CARMIL1: variants seen among roughly 807,000 people sequenced by gnomAD.
The protein encoded by CARMIL1 is capping protein regulator and myosin 1 linker 1, also known as F-actin-uncapping protein LRRC16A.
A neutral mutation model predicts 177.1 loss-of-function variants in CARMIL1; 90 were observed. The ratio of observed to expected loss-of-function variants is 0.51; its 90% CI spans 0.43 to 0.61. The LOEUF (loss-of-function observed/expected upper bound fraction) is 0.61. Among genes scored for constraint, CARMIL1 ranks in the 20% least tolerant of loss-of-function variants. The pLI, the probability that CARMIL1 is intolerant of heterozygous loss-of-function variation, is 0.00. For synonymous variants in CARMIL1, 577 were observed against 606.2 expected (o/e 0.95, Z 0.71); for missense variants, 1,380 against 1,667.0 (o/e 0.83, Z 3.00).
intron 15 of CARMIL1, among the ~76,000 whole-genome samples, chr6:25,493,449 G>GT (rs1459887933): frequency 1.3e-5 from 2 of 152,216 alleles, no homozygotes; most frequent in African/African-American, 2.4e-5. Flanking sequence ...TTGTTCCACA[G>GT]TAACAGTGAC....
chr6:25,297,260 G>A (rs193243877), intron 2 of CARMIL1, among the ~76,000 whole-genome samples: 194 of 152,320 alleles, frequency 1.3e-3, no homozygotes, highest in African/African-American at 4.2e-3. Context: ...ACAGAGTGAC[G>A]TAGTCACATA....
rs149176879 is a variant in CARMIL1 at position 25,462,218 on chromosome 6, C to T, written c.615-3655C>T. Among the ~76,000 whole-genome samples, 693 of 151,944 alleles carry T rather than the reference C, an allele frequency of 4.6e-3. 7 individuals are homozygous for T. Among genetic ancestry groups the T allele is most frequent in the African/African-American group, 0.015 (641 of 41,420 alleles). On this transcript the variant is annotated intron_variant, in intron 8 of 36. Coordinates refer to ENST00000329474, the MANE Select transcript of CARMIL1 (RefSeq NM_017640.6). Reference sequence around the variant, plus strand: ...TTTTTTATTTTTGTATTTTGCTTTTCGAAGATCTAAAAACTCTTAGACTAA... The same window carrying T: ...TTTTTTATTTTTGTATTTTGCTTTTTGAAGATCTAAAAACTCTTAGACTAA...
At chr6:25,523,514 T>C (rs1226223070) in intron 23 of CARMIL1, among the ~76,000 whole-genome samples, 1 of 152,136 alleles carries the variant, frequency 6.6e-6, no homozygotes, top group Non-Finnish European at 1.5e-5. Flanking sequence ...GAAAAGGAGT[T>C]TGTGAAAAGC....
Position 25,609,938 on chromosome 6 carries a change from A to G in CARMIL1, c.3848-112A>G, listed in dbSNP as rs1816362967. On this transcript the variant is annotated intron_variant, in intron 35 of 36. Transcript: ENST00000329474. ...ACTAATTTTTGGCCAGAAAAATTCTATGATGCTTTATTTTTTTAAATGACT... is the reference window on the plus strand; with the variant it reads ...ACTAATTTTTGGCCAGAAAAATTCTGTGATGCTTTATTTTTTTAAATGACT... 23 of 1,264,946 alleles carry G rather than the reference A, an allele frequency of 1.8e-5. No individual in the cohort carries two copies. In the Admixed American group the frequency reaches 4.7e-4, roughly 26 times the overall value. 78.4% of individuals were successfully genotyped at this position (1,264,946 alleles called of 1,614,324 possible).
At chr6:25,337,798 G>T (rs557113692) in intron 2 of CARMIL1, among the ~76,000 whole-genome samples, 5 of 152,306 alleles carry the variant, frequency 3.3e-5, no homozygotes, top group Middle Eastern at 3.4e-3. Flanking sequence ...GAGTGGACGT[G>T]ATATAGTGAG....
rs545693727 is a variant in CARMIL1, at chr6:25,437,002, A to C, written c.371+1398A>C. Among the ~76,000 whole-genome samples the C allele has an allele frequency of 8.5e-5, 13 of 152,276 alleles. No homozygotes were observed. The South Asian group carries it at 2.7e-3, about 32-fold the overall frequency. ...CAGTGGGTGGTTGGATGAGGTAAGA[A>C]GTGAATCCATGGTGGCAATGGGAAT... On this transcript the variant is annotated intron_variant, in intron 5 of 36. Coordinates refer to ENST00000329474, the MANE Select transcript of CARMIL1 (RefSeq NM_017640.6).
At chr6:25,527,304 A>T (rs1216505229) in intron 23 of CARMIL1, among the ~76,000 whole-genome samples, 1 of 152,194 alleles carries the variant, frequency 6.6e-6, no homozygotes, top group East Asian at 1.9e-4. Flanking sequence ...AGTCACTTGA[A>T]AATTGTTACT....
intron 29 of CARMIL1, among the ~76,000 whole-genome samples, chr6:25,565,137 T>C (rs190217843): frequency 2.0e-4 from 30 of 152,272 alleles, no homozygotes; most frequent in African/African-American, 7.2e-4. Flanking sequence ...ACAGTGCAAT[T>C]TGAGGAACTA....
chr6:25,616,743 A>G (rs1306959970), intron 36 of CARMIL1, among the ~76,000 whole-genome samples: 1 of 152,228 alleles, frequency 6.6e-6, no homozygotes, highest in Non-Finnish European at 1.5e-5. Flanking sequence ...CATGCAGTCA[A>G]ATAGATGTTC....
At chr6:25,351,680 A>T (rs904184482) in intron 2 of CARMIL1, among the ~76,000 whole-genome samples, 14 of 152,244 alleles carry the variant, frequency 9.2e-5, no homozygotes, top group Non-Finnish European at 1.6e-4. Context: ...GAAGTCAAAC[A>T]GTTGCTACTT....
chr6:25,614,999 A>T (rs184702272), intron 36 of CARMIL1, among the ~76,000 whole-genome samples: 97 of 152,338 alleles, frequency 6.4e-4, no homozygotes, highest in African/African-American at 2.3e-3. Flanking sequence ...AAATAATGAC[A>T]GGCATTAAGA....
intron 2 of CARMIL1, among the ~76,000 whole-genome samples, chr6:25,291,774 AAT>A (rs1781990742): frequency 6.6e-6 from 1 of 152,250 alleles, no homozygotes; most frequent in Non-Finnish European, 1.5e-5. Flanking sequence ...GATGAACACA[AAT>A]TAGAAATAGT....
chr6:25,384,364 C>T (rs903530571), intron 2 of CARMIL1, among the ~76,000 whole-genome samples: 2 of 152,206 alleles, frequency 1.3e-5, no homozygotes, highest in African/African-American at 4.8e-5. Context: ...GCACCTGTGT[C>T]AAAGGTGGCT....
At chr6:25,545,363 A>G (rs1439146587) in intron 26 of CARMIL1, among the ~76,000 whole-genome samples, 1 of 152,158 alleles carries the variant, frequency 6.6e-6, no homozygotes, top group Non-Finnish European at 1.5e-5. Flanking sequence ...AATAATGACA[A>G]ATGGTCCAGT....
rs1310828502 is a variant in CARMIL1, at chr6:25,280,957, G to C, written c.40+1122G>C. ...TCTTTTAGCTAATAATACTTTGGAG[G>C]AATTTGTGTATGCCCTTCCGTTGGT... On this transcript the variant is annotated intron_variant, in intron 1 of 36. Transcript: ENST00000329474. Among the ~76,000 whole-genome samples the C allele has an allele frequency of 3.9e-5, 6 of 151,936 alleles. No homozygotes were observed. In the East Asian group the frequency reaches 9.7e-4, roughly 24 times the overall value.
chr6:25,494,496 A>G (rs1803509856), intron 15 of CARMIL1, among the ~76,000 whole-genome samples: 1 of 152,220 alleles, frequency 6.6e-6, no homozygotes, highest in African/African-American at 2.4e-5. Context: ...TTTCTCTGTA[A>G]TAGCAAGGGG....
chr6:25,441,320 C>CAAACATATATATATAT (rs765704301), intron 5 of CARMIL1, among the ~76,000 whole-genome samples: 1 of 99,628 alleles, frequency 1.0e-5, no homozygotes, highest in Non-Finnish European at 2.0e-5. Context: ...AACAAACAAA[C>CAAACATATATATATAT]ATATATATAT....
At chr6:25,593,387 A>C (rs1814506187) in intron 31 of CARMIL1, among the ~76,000 whole-genome samples, 1 of 152,216 alleles carries the variant, frequency 6.6e-6, no homozygotes, top group Admixed American at 6.5e-5. Context: ...ATGCTGCTGC[A>C]TTGGTGGCTC....
chr6:25,438,741 A>G lies in CARMIL1; in HGVS notation c.371+3137A>G, dbSNP rs138476640. Among the ~76,000 whole-genome samples, 48 of 152,266 alleles carry G rather than the reference A, an allele frequency of 3.2e-4. No homozygotes were observed. In the East Asian group the frequency reaches 8.5e-3, roughly 27 times the overall value. Reference sequence around the variant, plus strand: ...GAACCAGCCCTGGTGATGTAGATGTAGTTGATGTAGAGCCTCGTGGGAAAG... The same window carrying G: ...GAACCAGCCCTGGTGATGTAGATGTGGTTGATGTAGAGCCTCGTGGGAAAG... On this transcript the variant is annotated intron_variant, in intron 5 of 36. Transcript: ENST00000329474.
Sources: gnomAD v4.1 joint callset for allele counts (sites outside exome capture counted in the v4.1 genomes callset) on GRCh38, gnomAD v4.1.1 for gene constraint, MANE v1.5 for transcripts, NCBI Gene and HGNC (gene_info 2026-07-23, HGNC 2026-07-21) for gene names.